The following LONRF1 variants were observed in gnomAD, a reference collection of about 807,000 sequenced individuals.
LONRF1 encodes the protein LON peptidase N-terminal domain and ring finger 1.
LONRF1 carries 37 observed loss-of-function variants against 85.8 expected under a neutral mutation model. That is an observed-to-expected ratio of 0.43 (90% CI 0.33 to 0.57). The LOEUF (loss-of-function observed/expected upper bound fraction) is 0.57. Among genes scored for constraint, LONRF1 ranks in the 20% least tolerant of loss-of-function variants. The pLI, the probability that LONRF1 is intolerant of heterozygous loss-of-function variation, is 0.04. For missense variants in LONRF1, 1,036 were observed against 978.0 expected (o/e 1.06, Z -0.79); for synonymous variants, 517 against 390.1 (o/e 1.33, Z -3.83).
At chr8:12,728,534 G>C (rs1798406714) in intron 10 of LONRF1, among the ~76,000 whole-genome samples, 2 of 152,166 alleles carry the variant, frequency 1.3e-5, no homozygotes, top group Admixed American at 6.5e-5. Context: ...AAACAGGGCA[G>C]AAATGTAAAC....
intron 10 of LONRF1, chr8:12,727,269 T>C (rs973139580): frequency 2.7e-5 from 4 of 146,100 alleles, no homozygotes; most frequent in African/African-American, 1.0e-4. Context: ...GAGACGCTTT[T>C]AAAGTCTCTG....
In LONRF1 at chr8:12,755,405, C is replaced by T. The variant is rs1799604314; in HGVS notation, c.16G>A (p.Val6Met). 8.6e-7 allele frequency: 1 copy of T among 1,163,010 alleles called. No homozygotes were observed. 72.0% of individuals were successfully genotyped at this position (1,163,010 alleles called of 1,614,324 possible). ...CTCCCTCCTGGGGAGGTCCTCGCCA[C>T]CGCCGGAGAGGACATGGCCCGCGGA... is the stretch of plus-strand genomic sequence containing the variant. MSSPA[V>M]ARTSPGGSRE... Residue 6 changes from valine (V) to methionine (M), a missense_variant, in exon 1 of 12, where the codon GTG becomes ATG. By Grantham distance (21) the Val-to-Met change is conservative. Transcript: ENST00000398246.
At chr8:12,725,318 A>C (rs954710237) in intron 11 of LONRF1, among the ~76,000 whole-genome samples, 2 of 152,222 alleles carry the variant, frequency 1.3e-5, no homozygotes, top group Admixed American at 6.5e-5. Context: ...AGATGTTTCA[A>C]ATGTATAGAA....
intron 7 of LONRF1, among the ~76,000 whole-genome samples, chr8:12,733,018 C>G (rs993093278): frequency 5.3e-5 from 8 of 152,080 alleles, no homozygotes; most frequent in Non-Finnish European, 1.0e-4. Context: ...CAAAGTTTAG[C>G]ATGAATCGCG....
At position 12,740,921 on chromosome 8, in the gene LONRF1, A is replaced by C; in HGVS notation, c.916T>G (p.Leu306Val). The C allele has an allele frequency of 1.2e-6, 2 of 1,613,642 alleles. No homozygotes were observed. Among genetic ancestry groups the C allele is most frequent in the Non-Finnish European group, 1.7e-6 (2 of 1,179,662 alleles). Residue 306 changes from leucine (L) to valine (V), a missense_variant, in exon 3 of 12, where the codon TTA (leucine) becomes GTA (valine). By Grantham distance (32) the Leu-to-Val change is conservative (BLOSUM62 1). Transcript: ENST00000398246. The stretch of plus-strand genomic sequence containing the variant: ...GGTGCAAAATCTTCATCAAGGGCTA[A>C]GCACTGAAGAAAGAGTTGTAAGGCA... Reference protein sequence around the residue: ...GDALQLFLQCLALDEDFAPAK... With the variant: ...GDALQLFLQCVALDEDFAPAK...
intron 7 of LONRF1, 114 bp from the exon 8 acceptor site, chr8:12,731,971 G>T: frequency 1.0e-6 from 1 of 972,546 alleles, no homozygotes; most frequent in Non-Finnish European, 1.5e-6. Flanking sequence ...CATCAATTCT[G>T]GATTAATTAG....
chr8:12,731,233 T>G (rs371064655), intron 8 of LONRF1, among the ~76,000 whole-genome samples: 1 of 152,160 alleles, frequency 6.6e-6, no homozygotes, highest in South Asian at 2.1e-4. Context: ...ACCAACTCAG[T>G]TGTGCTCCCA....
chr8:12,739,426 ACTACT>A (rs375916005), intron 3 of LONRF1, among the ~76,000 whole-genome samples: 9 of 152,046 alleles, frequency 5.9e-5, no homozygotes, highest in African/African-American at 2.2e-4. Context: ...AATAAGTAAC[ACTACT>A]CTACAGTGAC....
At chr8:12,752,621 G>A (rs983256580) in intron 1 of LONRF1, among the ~76,000 whole-genome samples, 1 of 152,158 alleles carries the variant, frequency 6.6e-6, no homozygotes, top group Non-Finnish European at 1.5e-5. Context: ...TTGAAAAAAA[G>A]AGAGATTACA....
Position 12,725,788 on chromosome 8 carries a change from CTG to C in LONRF1, c.2100_2101del (p.Asp700GlufsTer25). ...ATGCTGAAGAATTTGGCTTCGAAAT[CTG>C]TCTCTTAAATTCTGAAACCAGCTGC... On this transcript the variant is annotated frameshift_variant, in exon 11 of 12. Transcript: ENST00000398246. LOFTEE classifies it high-confidence loss of function. 1 of 1,613,848 alleles carries C rather than the reference CTG, an allele frequency of 6.2e-7. No homozygotes were observed. Among genetic ancestry groups the C allele is most frequent in the Non-Finnish European group, 8.5e-7 (1 of 1,179,772 alleles).
At chr8:12,751,008 C>T (rs183961450) in intron 1 of LONRF1, among the ~76,000 whole-genome samples, 7 of 152,276 alleles carry the variant, frequency 4.6e-5, no homozygotes, top group Non-Finnish European at 8.8e-5. Flanking sequence ...GAGGTAGAGA[C>T]TATTCTCATT....
In LONRF1 at chr8:12,736,744, C is replaced by G. The variant is rs1174657946; in HGVS notation, c.1408G>C (p.Glu470Gln). 17 of 1,612,056 alleles carry G rather than the reference C, an allele frequency of 1.1e-5. No individual in the cohort carries two copies. Among genetic ancestry groups the G allele is most frequent in the Non-Finnish European group, 1.4e-5 (16 of 1,179,116 alleles). The change falls in exon 6 of 12, where the codon GAA becomes CAA. Residue 470 changes from glutamate (E) to glutamine (Q), a missense_variant. By Grantham distance (29) the Glu-to-Gln change is conservative (BLOSUM62 2). Around this residue, in one of 3 missense-constraint regions of LONRF1, gnomAD observed 742 missense variants for 614.4 expected, o/e 1.21. Transcript: ENST00000398246. The part of the protein sequence containing the change: ...FSLAYGDIPE[E>Q]LIDVSDFECS... ...TCGAAATCTGAGACATCGATTAATT[C>G]TTCTGGAATATCACCATAAGCTAAG...
At position 12,725,628 on chromosome 8, in the gene LONRF1, A is replaced by C. The variant is rs116905237; in HGVS notation, c.2163+99T>G. ...TGCGGGGGAGGGGACAGTCAAAGAA[A>C]AAGTAGTGCAGAAAGGACAATGAGA... is the stretch of plus-strand genomic sequence containing the variant. On this transcript the variant is annotated intron_variant, in intron 11 of 11. Transcript: ENST00000398246. The C allele has an allele frequency of 1.5e-3, 1,882 of 1,250,542 alleles. 31 individuals are homozygous for C. In the East Asian group the frequency reaches 0.037, roughly 25 times the overall value. 77.5% of individuals were successfully genotyped at this position (1,250,542 alleles called of 1,614,324 possible).
intron 3 of LONRF1, among the ~76,000 whole-genome samples, 179 bp from the exon 4 acceptor site, chr8:12,738,323 C>A (rs1798801000): frequency 6.6e-5 from 10 of 151,908 alleles, no homozygotes; most frequent in Admixed American, 6.6e-4. Context: ...ATTAGGTGTG[C>A]CTCATGGGGT....
chr8:12,751,700 T>C (rs1016558259), intron 1 of LONRF1, among the ~76,000 whole-genome samples: 1 of 151,910 alleles, frequency 6.6e-6, no homozygotes, highest in Non-Finnish European at 1.5e-5. Context: ...TTTTTTTTTT[T>C]TTTAACCTGT....
chr8:12,734,684 A>G (rs922009365), intron 7 of LONRF1, among the ~76,000 whole-genome samples: 1 of 152,170 alleles, frequency 6.6e-6, no homozygotes, highest in African/African-American at 2.4e-5. Context: ...CTTCTTTCCA[A>G]TCTACCACTT....
In LONRF1 at chr8:12,722,762, AC is replaced by A. The variant is rs1805953460; in HGVS notation, c.*333del. ...AGAGAAAATACACACACACTACCCA[AC>A]CCCCACAAGCACACACGCACGCACA... is the stretch of plus-strand genomic sequence containing the variant. On this transcript the variant is annotated 3_prime_UTR_variant, in exon 12 of 12. Coordinates refer to ENST00000398246, the MANE Select transcript of LONRF1 (RefSeq NM_152271.5). 1 of 164,502 alleles carries A rather than the reference AC, an allele frequency of 6.1e-6. No individual in the cohort carries two copies. The highest frequency in any genetic ancestry group is 2.4e-5 in the African/African-American group (1 of 41,614). 10.2% of individuals were successfully genotyped at this position (164,502 alleles called of 1,614,324 possible).
At chr8:12,726,612 T>C (rs996017325) in intron 10 of LONRF1, among the ~76,000 whole-genome samples, 8 of 152,210 alleles carry the variant, frequency 5.3e-5, no homozygotes, top group Non-Finnish European at 4.4e-5. Flanking sequence ...TGGGAAGATC[T>C]AAGTTTAACT....
chr8:12,744,384 T>C (rs1331174970), intron 1 of LONRF1, among the ~76,000 whole-genome samples: 1 of 152,118 alleles, frequency 6.6e-6, no homozygotes, highest in Non-Finnish European at 1.5e-5. Flanking sequence ...TAATATTTTA[T>C]AAAAATGTTT....
Sources: allele counts gnomAD v4.1 joint callset (sites outside exome capture counted in the v4.1 genomes callset), GRCh38; gene constraint gnomAD v4.1.1; regional missense constraint gnomAD v4.1.1; transcripts MANE v1.5; gene names NCBI Gene and HGNC (gene_info 2026-07-23, HGNC 2026-07-21).